The following GAK variants were observed in gnomAD, a reference collection of about 807,000 sequenced individuals.
GAK encodes cyclin G associated kinase, also known as cyclin-G-associated kinase.
GAK carries 79 observed loss-of-function variants against 143.9 expected under a neutral mutation model. That is an observed-to-expected ratio of 0.55 (90% CI 0.46 to 0.66). The LOEUF is 0.66. GAK is among the 30% of genes least tolerant of loss of function. The pLI is 0.00. For missense variants in GAK, 1,693 were observed against 1,779.7 expected (o/e 0.95, Z 0.88); for synonymous variants, 881 against 765.5 (o/e 1.15, Z -2.49).
At position 893,456 on chromosome 4, in the gene GAK, A is replaced by C. The variant is rs1409111688; in HGVS notation, c.911T>G (p.Leu304Arg). Residue 304 changes from leucine (L) to arginine (R), a missense_variant, in exon 9 of 28, where the codon CTG (leucine) becomes CGG (arginine). By Grantham distance (102) the Leu-to-Arg change is moderately radical (BLOSUM62 -2). This residue lies in a region of GAK where 871 missense variants were observed against 991.0 expected (regional missense o/e 0.88). Transcript: ENST00000314167. ...AMLQVNPEER[L>R]SIAEVVHQLQ... ...CTGGTGCACCACCTCGGCGATGGAC[A>C]GCCGCTCCTCCGGGTTCACCTGCAG... The C allele has an allele frequency of 6.3e-7, 1 of 1,589,290 alleles. No individual in the cohort carries two copies. Among genetic ancestry groups the C allele is most frequent in the African/African-American group, 1.4e-5 (1 of 73,806 alleles).
intron 1 of GAK, among the ~76,000 whole-genome samples, chr4:914,621 C>T (rs1397364782): frequency 8.2e-6 from 1 of 122,272 alleles, no homozygotes; most frequent in Admixed American, 8.4e-5. Flanking sequence ...GCGTACACGG[C>T]CCCCCGCACT....
intron 18 of GAK, among the ~76,000 whole-genome samples, chr4:876,310 A>T (rs1363659553): frequency 2.6e-5 from 4 of 152,048 alleles, no homozygotes; most frequent in African/African-American, 9.7e-5. Flanking sequence ...ATTCTAACAG[A>T]CACACACACC....
rs1318203120 is a variant in GAK, at chr4:850,952, T to A, written c.3641A>T (p.Asp1214Val). The A allele has an allele frequency of 6.2e-7, 1 of 1,613,508 alleles. No homozygotes were observed. Among genetic ancestry groups the A allele is most frequent in the Non-Finnish European group, 8.5e-7 (1 of 1,179,696 alleles). Residue 1214 changes from aspartate (D) to valine (V), a missense_variant, in exon 26 of 28, where the codon GAC becomes GTC. Coordinates refer to ENST00000314167, the MANE Select transcript of GAK (RefSeq NM_005255.4). ...MRKQDLAKDTDPLKLKLLDWI... is the reference protein window; with the variant it reads ...MRKQDLAKDTVPLKLKLLDWI... Reference sequence around the variant, plus strand: ...CCCACCCACCTTCAGCTTGAGTGGGTCCGTGTCTTTAGCCAGGTCCTGCTT... The same window carrying A: ...CCCACCCACCTTCAGCTTGAGTGGGACCGTGTCTTTAGCCAGGTCCTGCTT...
chr4:873,140 GCAAC>G (rs1713071903), intron 18 of GAK, among the ~76,000 whole-genome samples: 1 of 152,200 alleles, frequency 6.6e-6, no homozygotes, highest in Non-Finnish European at 1.5e-5. Flanking sequence ...GCCACTGTGC[GCAAC>G]CAACCTTTCT....
At chr4:874,870 C>A (rs1322980180) in intron 18 of GAK, among the ~76,000 whole-genome samples, 1 of 152,178 alleles carries the variant, frequency 6.6e-6, no homozygotes, top group Non-Finnish European at 1.5e-5. Context: ...CCTCTCTGTA[C>A]GTGTCTTCTT....
At chr4:926,654 T>C (rs1400091163) in intron 1 of GAK, among the ~76,000 whole-genome samples, 1 of 152,172 alleles carries the variant, frequency 6.6e-6, no homozygotes, top group Non-Finnish European at 1.5e-5. Flanking sequence ...CGCTGGGAAC[T>C]AGCCAAAGTG....
chr4:924,467 A>C (rs1482473006), intron 1 of GAK, among the ~76,000 whole-genome samples: 1 of 152,184 alleles, frequency 6.6e-6, no homozygotes, highest in East Asian at 1.9e-4. Flanking sequence ...ACCCAAGACA[A>C]AGAAAAACAC....
intron 17 of GAK, 47 bp downstream of exon 17, chr4:877,043 G>A (rs1395468218): frequency 9.8e-6 from 13 of 1,321,538 alleles, no homozygotes; most frequent in African/African-American, 4.3e-5. Flanking sequence ...CCCCCCATGA[G>A]CCTAGGCGTG....
Position 851,881 on chromosome 4 carries a change from G to C in GAK, c.3377C>G (p.Ala1126Gly), listed in dbSNP as rs1748214597. 6.2e-7 allele frequency: 1 copy of C among 1,610,858 alleles called. No homozygotes were observed. Among genetic ancestry groups the C allele is most frequent in the African/African-American group, 1.3e-5 (1 of 74,864 alleles). Residue 1126 changes from alanine to glycine, a missense_variant, in exon 25 of 28, where the codon GCC (alanine) becomes GGC (glycine). Transcript: ENST00000314167. ...CTGAGGGGGCCATGAGGCGCCCTGG[G>C]CTGGCGGCCGACTTGTCTGCCAGGA... Reference protein sequence around the residue: ...SSSWQTSRPPAQGASWPPQAK... With the variant: ...SSSWQTSRPPGQGASWPPQAK...
chr4:924,186 A>AAAG (rs1724331450), intron 1 of GAK, among the ~76,000 whole-genome samples: 1 of 151,670 alleles, frequency 6.6e-6, no homozygotes, highest in South Asian at 2.1e-4. Flanking sequence ...CAAAAAAAAA[A>AAAG]AAAAAAAAAA....
In GAK at chr4:866,408, T is replaced by C. The variant is rs1751176758; in HGVS notation, c.2999A>G (p.His1000Arg). 1 of 1,614,010 alleles carries C rather than the reference T, an allele frequency of 6.2e-7. No individual in the cohort carries two copies. The highest frequency in any genetic ancestry group is 8.5e-7 in the Non-Finnish European group (1 of 1,179,948). Reference protein sequence around the residue: ...VTVPPSFPSAHSAPPPSCSAD... With the variant: ...VTVPPSFPSARSAPPPSCSAD... ...GCTGCAGGATGGGGGCGGAGCACTG[T>C]GGGCAGACGGGAAGGATGGTGGGAC... is the stretch of plus-strand genomic sequence containing the variant. Residue 1000 changes from histidine to arginine, a missense_variant, in exon 22 of 28, where the codon CAC becomes CGC. Physicochemically the swap from His to Arg is conservative, Grantham distance 29. Transcript: ENST00000314167.
At chr4:854,940 G>A (rs1748873386) in intron 24 of GAK, among the ~76,000 whole-genome samples, 1 of 152,194 alleles carries the variant, frequency 6.6e-6, no homozygotes, top group South Asian at 2.1e-4. Context: ...AGCTACTCAG[G>A]AGGCTGAGGC....
Position 866,444 on chromosome 4 carries a change from TCCGAATTGAGAAATTCG to T in GAK, c.2946_2962del (p.Glu983LeufsTer97). The T allele has an allele frequency of 6.2e-7, 1 of 1,613,950 alleles. No individual in the cohort carries two copies. The highest frequency in any genetic ancestry group is 8.5e-7 in the Non-Finnish European group (1 of 1,179,934). On this transcript the variant is annotated frameshift_variant, in exon 22 of 28. Coordinates refer to ENST00000314167, the MANE Select transcript of GAK (RefSeq NM_005255.4). LOFTEE classifies it high-confidence loss of function. Reference sequence around the variant, plus strand: ...GAAGGATGGTGGGACGGTCACAGAGTCCGAATTGAGAAATTCGCCGAAGAGATCAGGATTGGAGCAGG... The same window carrying T: ...GAAGGATGGTGGGACGGTCACAGAGTCCGAAGAGATCAGGATTGGAGCAGG...
intron 23 of GAK, among the ~76,000 whole-genome samples, chr4:861,157 C>T (rs1750208742): frequency 6.6e-6 from 1 of 152,158 alleles, no homozygotes; most frequent in Admixed American, 6.5e-5. Flanking sequence ...TCCCTATTCC[C>T]CGAGACACAA....
In GAK at chr4:850,940, A is replaced by C. The variant is rs150598346; in HGVS notation, c.3653T>G (p.Leu1218Arg). 1.1e-3 allele frequency: 1,839 copies of C among 1,612,172 alleles called. 26 individuals are homozygous for C. In the African/African-American group the frequency reaches 0.021, roughly 19 times the overall value. The change falls in exon 26 of 28, where the codon CTG (leucine) becomes CGG (arginine). Residue 1218 changes from leucine to arginine, a missense_variant. Leu to Arg is a moderately radical substitution (Grantham distance 102). Around this residue, in one of 2 missense-constraint regions of GAK, gnomAD observed 822 missense variants for 788.7 expected, o/e 1.04. Coordinates refer to ENST00000314167, the MANE Select transcript of GAK (RefSeq NM_005255.4). ...AAGAGCTGCCCACCCACCCACCTTC[A>C]GCTTGAGTGGGTCCGTGTCTTTAGC... Reference protein sequence around the residue: ...DLAKDTDPLKLKLLDWIEGKE... With the variant: ...DLAKDTDPLKRKLLDWIEGKE...
chr4:922,382 GT>G (rs1450303307), intron 1 of GAK, among the ~76,000 whole-genome samples: 2 of 152,090 alleles, frequency 1.3e-5, no homozygotes, highest in Admixed American at 6.6e-5. Flanking sequence ...GCGCATGGTG[GT>G]GGGCGCCTGT....
At chr4:902,219 A>G (rs923762126) in intron 5 of GAK, among the ~76,000 whole-genome samples, 30 of 151,658 alleles carry the variant, frequency 2.0e-4, no homozygotes, top group Non-Finnish European at 4.3e-4. Flanking sequence ...CCTGGGCAAC[A>G]GAGCAAGACT....
chr4:896,440 T>C lies in GAK; in HGVS notation c.741+20A>G, dbSNP rs776681093. ...GGCGCACGGAGCCAGGCACTGCCAC[T>C]GAGAGGCGCCAGACCTCACCCAGAT... On this transcript the variant is annotated intron_variant, in intron 7 of 27. Transcript: ENST00000314167. 3.3e-5 allele frequency: 53 copies of C among 1,607,450 alleles called. No homozygotes were observed. Among genetic ancestry groups the C allele is most frequent in the Non-Finnish European group, 4.4e-5 (52 of 1,174,864 alleles).
chr4:900,363 C>T (rs575372185), intron 5 of GAK, among the ~76,000 whole-genome samples: 65 of 152,382 alleles, frequency 4.3e-4, no homozygotes, highest in African/African-American at 7.0e-4. Flanking sequence ...TGAACACACG[C>T]GGGCTGCAGG....
Sources: gnomAD v4.1 joint callset for allele counts (sites outside exome capture counted in the v4.1 genomes callset) on GRCh38, gnomAD v4.1.1 for gene constraint, gnomAD v4.1.1 regional missense constraint, MANE v1.5 for transcripts, NCBI Gene and HGNC (gene_info 2026-07-23, HGNC 2026-07-21) for gene names.